The following RARG variants were observed in gnomAD, a reference collection of about 807,000 sequenced individuals.
The protein encoded by RARG is RAR-gamma.
Under a neutral mutation model 43.7 loss-of-function variants are expected in RARG, and 17 were observed. The observed-to-expected ratio is 0.39, with a 90% confidence interval of 0.27 to 0.58. The LOEUF (loss-of-function observed/expected upper bound fraction) is 0.58. Among genes scored for constraint, RARG ranks in the 20% least tolerant of loss-of-function variants. RARG has a pLI of 0.57. For synonymous variants in RARG, 238 were observed against 236.4 expected, an observed-to-expected ratio of 1.01 and a Z score of -0.06; for missense variants, 346 against 598.7, an observed-to-expected ratio of 0.58 and a Z score of 4.40.
At chr12:53,220,368 GA>G in intron 3 of RARG, 1 of 935,938 alleles carries the variant, frequency 1.1e-6, no homozygotes, top group Non-Finnish European at 1.3e-6. Context: ...GCACTGGGGA[GA>G]CCTTTTTTAA....
rs908116636 is a variant in RARG, at chr12:53,220,233, T to G, written c.185-4439A>C. 1.3e-4 allele frequency: 85 copies of G among 671,232 alleles called. No individual in the cohort carries two copies. The East Asian group carries it at 3.2e-3, about 26-fold the overall frequency. The allele number at this position is 671,232 out of a possible 1,614,324, so 41.6% of individuals were successfully genotyped here. A position where few individuals can be genotyped will look rare whatever the true frequency, so the allele number is the denominator to read the frequency against. ...GGCTAGCATAGGGCGCTGGGCTGCA[T>G]GCGGGTAAGGGGTGGGCGGGGAAGA... On this transcript the variant is annotated intron_variant, in intron 3 of 9. Coordinates refer to ENST00000425354, the MANE Select transcript of RARG (RefSeq NM_000966.6).
At chr12:53,220,192 AG>A (rs764641682) in intron 3 of RARG, 8 of 1,282,430 alleles carry the variant, frequency 6.2e-6, no homozygotes, top group East Asian at 5.9e-5. Flanking sequence ...CCGCTCCAGC[AG>A]GGGGGGAGGG....
chr12:53,221,368 G>C (rs1021106326), intron 3 of RARG, among the ~76,000 whole-genome samples: 3 of 152,168 alleles, frequency 2.0e-5, no homozygotes, highest in African/African-American at 7.2e-5. Flanking sequence ...AGCTGTGCCT[G>C]CCGTGCCAAC....
chr12:53,225,455 AAC>A (rs1188521639), intron 3 of RARG, among the ~76,000 whole-genome samples: 3 of 151,950 alleles, frequency 2.0e-5, no homozygotes, highest in Non-Finnish European at 4.4e-5. Context: ...TTCTCCGATG[AAC>A]ACACTCTTTC....
intron 3 of RARG, among the ~76,000 whole-genome samples, chr12:53,217,623 A>G (rs912253539): frequency 1.3e-5 from 2 of 152,176 alleles, no homozygotes; most frequent in African/African-American, 2.4e-5. Flanking sequence ...TCCGAGGTCA[A>G]TCTGTGAGGT....
intron 3 of RARG, chr12:53,219,978 A>G: frequency 6.6e-7 from 1 of 1,518,956 alleles, no homozygotes; most frequent in East Asian, 2.5e-5. Flanking sequence ...GCGGCCAGGC[A>G]AAAGATTCAA....
chr12:53,223,251 G>A lies in RARG; in HGVS notation c.184+4111C>T, dbSNP rs528333639. Among the ~76,000 whole-genome samples, 16 of 152,156 alleles carry A rather than the reference G, an allele frequency of 1.1e-4. No individual in the cohort carries two copies. In the East Asian group the frequency reaches 2.7e-3, roughly 26 times the overall value. On this transcript the variant is annotated intron_variant, in intron 3 of 9. Coordinates refer to ENST00000425354, the MANE Select transcript of RARG (RefSeq NM_000966.6). Reference sequence around the variant, plus strand: ...TCCCTTTTTTCTAAAACCTTCCCTCGAAAAGCTGAAAAGGGGGCATTTCAA... The same window carrying A: ...TCCCTTTTTTCTAAAACCTTCCCTCAAAAAGCTGAAAAGGGGGCATTTCAA...
chr12:53,213,952 T>G lies in RARG; in HGVS notation c.813+107A>C. On this transcript the variant is annotated intron_variant, in intron 7 of 9. Transcript: ENST00000425354. The surrounding 1 kb of genome is among the most constrained non-coding windows in gnomAD (Gnocchi z 4.7). ...GAAAAGAGAGCTGAGGAGTCCCACA[T>G]GTGTGGCAGGGGGTGCAGGGTAAGG... is the stretch of plus-strand genomic sequence containing the variant. The G allele has an allele frequency of 7.6e-7, 1 of 1,320,676 alleles. No homozygotes were observed. The highest frequency in any genetic ancestry group is 2.0e-5 in the Admixed American group (1 of 51,260). The allele number at this position is 1,320,676 out of a possible 1,614,324, so 81.8% of individuals were successfully genotyped here.
rs12425219 is a variant in RARG at position 53,227,465 on chromosome 12, G to A, written c.81C>T (p.Phe27=). The A allele has an allele frequency of 3.8e-5, 61 of 1,610,270 alleles. No homozygotes were observed. The highest frequency in any genetic ancestry group is 4.9e-5 in the Non-Finnish European group (58 of 1,178,516). Reference sequence around the variant, plus strand: ...ACCCCCTGAGTGCCCCTGGGAAGGCGAAGGGGAAACCTGCCCCTGGGTAGC... The same window carrying A: ...ACCCCCTGAGTGCCCCTGGGAAGGCAAAGGGGAAACCTGCCCCTGGGTAGC... The part of the protein sequence containing the change: ...GSGYPGAGFP[F]AFPGALRGSP... The change falls in exon 3 of 10, where the codon TTC becomes TTT. Residue 27 remains phenylalanine, a synonymous_variant. Transcript: ENST00000425354. This position sits in a 1 kb window ranked among gnomAD's most constrained non-coding sequence, Gnocchi z 4.3.
chr12:53,226,682 G>A (rs953446404), intron 3 of RARG, among the ~76,000 whole-genome samples: 1 of 150,592 alleles, frequency 6.6e-6, no homozygotes, highest in South Asian at 2.1e-4. Context: ...CAAGATCTTG[G>A]CTCACTGCAA....
rs1335882088 is a variant in RARG, at chr12:53,232,105, G to A, written c.-341C>T. On this transcript the variant is annotated 5_prime_UTR_variant, in exon 1 of 10. Transcript: ENST00000425354. ...CCTGGGGGGGCACGGCTCTAGGCTGGGACTGTCCCGGGGCCTCTCGGAGCC... is the reference window on the plus strand; with the variant it reads ...CCTGGGGGGGCACGGCTCTAGGCTGAGACTGTCCCGGGGCCTCTCGGAGCC... The A allele has an allele frequency of 7.5e-6, 3 of 398,600 alleles. No individual in the cohort carries two copies. The highest frequency in any genetic ancestry group is 6.2e-5 in the African/African-American group (3 of 48,640). 24.7% of individuals were successfully genotyped at this position (398,600 alleles called of 1,614,324 possible). A position where few individuals can be genotyped will look rare whatever the true frequency, so the allele number is the denominator to read the frequency against.
At chr12:53,226,040 C>T (rs1943100207) in intron 3 of RARG, among the ~76,000 whole-genome samples, 1 of 152,244 alleles carries the variant, frequency 6.6e-6, no homozygotes, top group South Asian at 2.1e-4. Context: ...CCAAGAAGCA[C>T]AGTCTCCTGA....
At chr12:53,212,114 T>C (rs1264452395) in intron 9 of RARG, among the ~76,000 whole-genome samples, 1 of 152,208 alleles carries the variant, frequency 6.6e-6, no homozygotes, top group African/African-American at 2.4e-5. Flanking sequence ...GGCTGTCTCT[T>C]CAGCGAGCGC....
intron 3 of RARG, among the ~76,000 whole-genome samples, chr12:53,217,588 G>T (rs917517382): frequency 6.6e-6 from 1 of 152,176 alleles, no homozygotes; most frequent in African/African-American, 2.4e-5. Flanking sequence ...CCCACCCCCT[G>T]AACCCTAAAG....
chr12:53,229,870 TG>T, intron 2 of RARG: 1 of 862,308 alleles, frequency 1.2e-6, no homozygotes, highest in Non-Finnish European at 1.4e-6. Context: ...GGTAGGGCAG[TG>T]GGGGTCCCCA....
Position 53,214,612 on chromosome 12 carries a change from G to A in RARG, c.476-6C>T, listed in dbSNP as rs771320731. The stretch of plus-strand genomic sequence containing the variant: ...GTTCCGGTCATTTCGCACAGCTTGT[G>A]GGTGGAGGCGCAAGGAGAGGGTCAG... On this transcript the variant is annotated splice_region_variant and splice_polypyrimidine_tract_variant and intron_variant, in intron 5 of 9. Coordinates refer to ENST00000425354, the MANE Select transcript of RARG (RefSeq NM_000966.6). The A allele has an allele frequency of 1.2e-5, 19 of 1,595,774 alleles. No individual in the cohort carries two copies. The African/African-American group carries it at 2.0e-4, about 17-fold the overall frequency.
At chr12:53,230,883 A>C (rs12228363) in intron 2 of RARG, among the ~76,000 whole-genome samples, 11,494 of 94,628 alleles carry the variant, frequency 0.12, 611 homozygotes, top group South Asian at 0.28. Context: ...GTGTGTGTGT[A>C]TGTCTGTCTA....
chr12:53,212,573 A>G (rs1389151891), intron 9 of RARG, among the ~76,000 whole-genome samples: 1 of 152,176 alleles, frequency 6.6e-6, no homozygotes, highest in Non-Finnish European at 1.5e-5. Context: ...CCTCCTGAGT[A>G]GCTGGAACTA....
At chr12:53,216,857 C>CGT (rs1942785145) in intron 3 of RARG, among the ~76,000 whole-genome samples, 1 of 119,150 alleles carries the variant, frequency 8.4e-6, no homozygotes, top group South Asian at 3.1e-4. Flanking sequence ...CGCGCGCGCG[C>CGT]GCGCGTGTGG....
Sources: allele counts gnomAD v4.1 joint callset (sites outside exome capture counted in the v4.1 genomes callset), GRCh38; gene constraint gnomAD v4.1.1; non-coding constraint Gnocchi (gnomAD v3.1); transcripts MANE v1.5; gene names NCBI Gene and HGNC (gene_info 2026-07-23, HGNC 2026-07-21).